The following MRPS9 variants were observed in gnomAD, a reference collection of about 807,000 sequenced individuals.
MRPS9 encodes the protein small ribosomal subunit protein uS9m.
A neutral mutation model predicts 59.9 loss-of-function variants in MRPS9; 45 were observed. The ratio of observed to expected loss-of-function variants is 0.75; its 90% confidence interval spans 0.59 to 0.96. The LOEUF (loss-of-function observed/expected upper bound fraction) is 0.96. Among genes scored for constraint, MRPS9 ranks in the 40% least tolerant of loss-of-function variants. The pLI, the probability that MRPS9 is intolerant of heterozygous loss-of-function variation, is 0.00. For missense variants in MRPS9, 473 were observed against 481.1 expected (o/e 0.98, Z 0.16); for synonymous variants, 171 against 166.8 (o/e 1.03, Z -0.19).
At chr2:105,071,565 C>A in intron 4 of MRPS9, 76 bp downstream of exon 4, 2 of 1,430,672 alleles carry the variant, frequency 1.4e-6, no homozygotes, top group Non-Finnish European at 9.7e-7. Context: ...TCAGCGGTTG[C>A]TCACATATCG....
intron 2 of MRPS9, among the ~76,000 whole-genome samples, chr2:105,058,052 G>A (rs971931341): frequency 1.3e-5 from 2 of 152,112 alleles, no homozygotes; most frequent in African/African-American, 4.8e-5. Context: ...TGAATATGCT[G>A]TATGAAGTTT....
At chr2:105,062,155 C>G (rs1419185182) in intron 2 of MRPS9, among the ~76,000 whole-genome samples, 1 of 152,110 alleles carries the variant, frequency 6.6e-6, no homozygotes, top group East Asian at 1.9e-4. Context: ...CACACACTCT[C>G]TCTGTCTGTC....
At chr2:105,062,512 A>T (rs569093611) in intron 2 of MRPS9, among the ~76,000 whole-genome samples, 26 of 152,314 alleles carry the variant, frequency 1.7e-4, no homozygotes, top group African/African-American at 6.0e-4. Context: ...TTGTCGTAGA[A>T]ATCCTCTATT....
At chr2:105,078,526 G>A (rs556135466) in intron 4 of MRPS9, among the ~76,000 whole-genome samples, 17 of 152,180 alleles carry the variant, frequency 1.1e-4, no homozygotes, top group East Asian at 5.8e-4. Flanking sequence ...AAAATATGCC[G>A]GATTTGATTC....
chr2:105,042,970 C>T (rs889254254), intron 1 of MRPS9, among the ~76,000 whole-genome samples: 2 of 152,156 alleles, frequency 1.3e-5, no homozygotes, highest in Admixed American at 1.3e-4. Flanking sequence ...TCCCACCCCC[C>T]AGAGTCATTT....
chr2:105,094,899 A>C (rs1339832698), intron 9 of MRPS9, among the ~76,000 whole-genome samples: 3 of 152,232 alleles, frequency 2.0e-5, no homozygotes, highest in Admixed American at 6.5e-5. Context: ...TCATAATGAA[A>C]TTACATCTTT....
intron 4 of MRPS9, among the ~76,000 whole-genome samples, chr2:105,073,095 A>AT (rs996021209): frequency 2.9e-4 from 44 of 151,742 alleles, no homozygotes; most frequent in South Asian, 1.3e-3. Context: ...AATGACAGTG[A>AT]TTTTTTTTTC....
intron 4 of MRPS9, among the ~76,000 whole-genome samples, chr2:105,073,835 C>G (rs1168249792): frequency 6.6e-6 from 1 of 151,998 alleles, no homozygotes; most frequent in Non-Finnish European, 1.5e-5. Flanking sequence ...CTTTTTGCAC[C>G]AACATTTAGC....
Position 105,090,007 on chromosome 2 carries a change from A to G in MRPS9, c.651+12A>G, listed in dbSNP as rs912808239. ...TGTCAGATCTAGATGTGAGTAATTA[A>G]TCTTTTTAATTTAAGGGGACCTATG... On this transcript the variant is annotated intron_variant, in intron 7 of 10. Transcript: ENST00000258455. The G allele has an allele frequency of 5.3e-6, 8 of 1,520,304 alleles. 1 individual carries two copies. The highest frequency in any genetic ancestry group is 5.2e-5 in the Admixed American group (3 of 57,300). The allele number at this position is 1,520,304 out of a possible 1,614,324, so 94.2% of individuals were successfully genotyped here.
chr2:105,086,877 G>A (rs896283594), intron 5 of MRPS9, among the ~76,000 whole-genome samples: 1 of 152,166 alleles, frequency 6.6e-6, no homozygotes, highest in Admixed American at 6.5e-5. Context: ...GTGGCATGCT[G>A]TTTGCCTGCG....
chr2:105,058,988 T>C (rs894977020), intron 2 of MRPS9, among the ~76,000 whole-genome samples: 4 of 151,906 alleles, frequency 2.6e-5, no homozygotes, highest in Non-Finnish European at 5.9e-5. Flanking sequence ...GTTTAATGAG[T>C]TTCTAAAGAG....
At chr2:105,088,542 C>T (rs937306185) in intron 5 of MRPS9, among the ~76,000 whole-genome samples, 4 of 151,756 alleles carry the variant, frequency 2.6e-5, no homozygotes, top group Non-Finnish European at 5.9e-5. Flanking sequence ...AGTAGTAAGT[C>T]GTATTAAATA....
intron 10 of MRPS9, chr2:105,098,378 G>A (rs1365383277): frequency 1.3e-5 from 2 of 152,274 alleles, no homozygotes; most frequent in South Asian, 2.1e-4. Context: ...GTTGGTCTCT[G>A]TGCACCAGAC....
chr2:105,041,743 G>T (rs1443896593), intron 1 of MRPS9, among the ~76,000 whole-genome samples: 1 of 152,002 alleles, frequency 6.6e-6, no homozygotes, highest in Non-Finnish European at 1.5e-5. Context: ...GATAATTTTT[G>T]AATATATTTA....
intron 5 of MRPS9, among the ~76,000 whole-genome samples, chr2:105,081,665 A>G (rs766704835): frequency 5.3e-5 from 8 of 152,218 alleles, no homozygotes; most frequent in Non-Finnish European, 1.2e-4. Context: ...ATTGTTCAAG[A>G]AACTGATCAG....
intron 1 of MRPS9, among the ~76,000 whole-genome samples, chr2:105,042,105 A>G (rs1307276693): frequency 6.6e-6 from 1 of 152,226 alleles, no homozygotes; most frequent in Non-Finnish European, 1.5e-5. Flanking sequence ...TAAACAACAG[A>G]CATTTGTTAT....
At chr2:105,080,156 AT>A in intron 5 of MRPS9, 94 bp downstream of exon 5, 2 of 772,678 alleles carry the variant, frequency 2.6e-6, no homozygotes, top group Non-Finnish European at 3.9e-6. Context: ...TTTACCTAGT[AT>A]TTTATAATTG....
chr2:105,093,006 A>G (rs1237036748), intron 8 of MRPS9, among the ~76,000 whole-genome samples: 2 of 152,232 alleles, frequency 1.3e-5, no homozygotes, highest in Non-Finnish European at 2.9e-5. Flanking sequence ...GACGTAGTCC[A>G]ACTTTTACGA....
intron 2 of MRPS9, among the ~76,000 whole-genome samples, chr2:105,062,363 C>A (rs1679922660): frequency 6.6e-6 from 1 of 152,178 alleles, no homozygotes; most frequent in Non-Finnish European, 1.5e-5. Context: ...GAAACGCAGC[C>A]TTACAGATGG....
Sources: gnomAD v4.1 joint callset for allele counts (sites outside exome capture counted in the v4.1 genomes callset) on GRCh38, gnomAD v4.1.1 for gene constraint, MANE v1.5 for transcripts, NCBI Gene and HGNC (gene_info 2026-07-23, HGNC 2026-07-21) for gene names.